LEMD1: variants seen among roughly 807,000 people sequenced by gnomAD.
LEMD1 encodes the protein LEM domain containing 1, also known as LEM domain-containing protein 1.
Under a neutral mutation model 17.4 loss-of-function variants are expected in LEMD1, and 18 were observed. That is an observed-to-expected ratio of 1.04 (90% CI 0.72 to 1.54). LEMD1 has a LOEUF of 1.54. Ranked by LOEUF, LEMD1 falls within the 40% of genes most tolerant of loss-of-function variation. LEMD1 has a pLI of 0.00. For synonymous variants in LEMD1, 88 were observed against 77.8 expected (o/e 1.13, Z -0.69); for missense variants, 195 against 210.4 (o/e 0.93, Z 0.45).
chr1:205,428,680 AAG>A (rs1328993863), intron 1 of LEMD1, among the ~76,000 whole-genome samples: 6 of 152,170 alleles, frequency 3.9e-5, no homozygotes, highest in Non-Finnish European at 2.9e-5. Flanking sequence ...GTGGAATGGC[AAG>A]AAAAGTCAGG....
At position 205,381,449 on chromosome 1, in the gene LEMD1, T is replaced by A; in HGVS notation, c.*209A>T. 1.7e-6 allele frequency: 1 copy of A among 588,694 alleles called. No individual in the cohort carries two copies. The highest frequency in any genetic ancestry group is 3.0e-6 in the Non-Finnish European group (1 of 330,530). The allele number at this position is 588,694 out of a possible 1,614,324, so 36.5% of individuals were successfully genotyped here. On this transcript the variant is annotated 3_prime_UTR_variant, in exon 6 of 6. Coordinates refer to ENST00000367153, the MANE Select transcript of LEMD1 (RefSeq NM_001199050.2). Reference sequence around the variant, plus strand: ...AGTTGACATGACTTGGGGGATTTCCTAACCATCATGCTCTTAACACAGGTG... The same window carrying A: ...AGTTGACATGACTTGGGGGATTTCCAAACCATCATGCTCTTAACACAGGTG...
chr1:205,389,724 T>C (rs544578441), intron 4 of LEMD1, among the ~76,000 whole-genome samples: 128 of 152,310 alleles, frequency 8.4e-4, no homozygotes, highest in Non-Finnish European at 1.5e-3. Context: ...TTGGACACTT[T>C]TACAAATGAC....
At chr1:205,390,303 C>G (rs999900016) in intron 4 of LEMD1, among the ~76,000 whole-genome samples, 1 of 151,176 alleles carries the variant, frequency 6.6e-6, no homozygotes, top group Non-Finnish European at 1.5e-5. Flanking sequence ...TGCAGTGAGC[C>G]GAGATTACGC....
intron 4 of LEMD1, among the ~76,000 whole-genome samples, chr1:205,403,850 T>TTATGTGTCTTGGAG: frequency 6.6e-6 from 1 of 152,094 alleles, no homozygotes; most frequent in Non-Finnish European, 1.5e-5. Context: ...GTGCTATAAA[T>TTATGTGTCTTGGAG]TTCCCTCTAC....
chr1:205,447,761 G>GC (rs34491043), intron 1 of LEMD1, among the ~76,000 whole-genome samples: 99,959 of 151,728 alleles, frequency 0.66, 33,524 homozygotes, highest in Non-Finnish European at 0.72. Context: ...CCGGGGGAGC[G>GC]CCTGCCTTCC....
At chr1:205,408,943 TCCTC>T in intron 4 of LEMD1, among the ~76,000 whole-genome samples, 1 of 152,040 alleles carries the variant, frequency 6.6e-6, no homozygotes, top group East Asian at 1.9e-4. Context: ...GCTCAGGTGA[TCCTC>T]CCACCTCAGC....
chr1:205,417,334 G>A (rs1458959367), intron 3 of LEMD1, among the ~76,000 whole-genome samples: 2 of 152,160 alleles, frequency 1.3e-5, no homozygotes, highest in Non-Finnish European at 2.9e-5. Context: ...TAGCATCAAC[G>A]CACTTCTGTA....
At chr1:205,449,622 T>A (rs1666460685) in intron 1 of LEMD1, among the ~76,000 whole-genome samples, 1 of 149,906 alleles carries the variant, frequency 6.7e-6, no homozygotes, top group Non-Finnish European at 1.5e-5. Context: ...AGCACGCCCC[T>A]CCACACACTC....
At chr1:205,447,852 G>A (rs528679861) in intron 1 of LEMD1, among the ~76,000 whole-genome samples, 1 of 152,238 alleles carries the variant, frequency 6.6e-6, no homozygotes, top group East Asian at 1.9e-4. Flanking sequence ...AGAGCCCAGA[G>A]GTCTCCTTAC....
chr1:205,445,836 T>G (rs760091874), intron 1 of LEMD1, among the ~76,000 whole-genome samples: 1 of 152,164 alleles, frequency 6.6e-6, no homozygotes, highest in Non-Finnish European at 1.5e-5. Flanking sequence ...AACTTTAGTG[T>G]CAAACTTTCG....
intron 4 of LEMD1, among the ~76,000 whole-genome samples, chr1:205,390,033 A>G (rs1664254001): frequency 6.6e-6 from 1 of 152,100 alleles, no homozygotes; most frequent in Non-Finnish European, 1.5e-5. Context: ...TAAAAACCTT[A>G]TGATCATCTC....
intron 4 of LEMD1, among the ~76,000 whole-genome samples, chr1:205,411,216 AAG>A (rs1574979864): frequency 6.3e-5 from 9 of 143,568 alleles, no homozygotes; most frequent in Admixed American, 5.4e-4. Flanking sequence ...GAAAGAAAGA[AAG>A]GAAGGAAGGA....
rs1477986736 is a variant in LEMD1, at chr1:205,448,608, G to GCCT, written c.-39+1257_-39+1259dup. Among the ~76,000 whole-genome samples the GCCT allele has an allele frequency of 6.6e-6, 1 of 152,074 alleles. No individual in the cohort carries two copies. Among genetic ancestry groups the GCCT allele is most frequent in the Non-Finnish European group, 1.5e-5 (1 of 68,010 alleles). Reference sequence around the variant, plus strand: ...AGTTTCCAGTTCTTGCCCTACAAAGGCCTCACACAATGGTCCTCACTCCAG... The same window carrying GCCT: ...AGTTTCCAGTTCTTGCCCTACAAAGGCCTCCTCACACAATGGTCCTCACTCCAG... On this transcript the variant is annotated intron_variant, in intron 1 of 3. Coordinates refer to the LEMD1 transcript ENST00000367154. The surrounding 1 kb of genome is among the most constrained non-coding windows in gnomAD (Gnocchi z 4.7).
chr1:205,425,700 G>T (rs1005322403), upstream of LEMD1, among the ~76,000 whole-genome samples: 2 of 152,136 alleles, frequency 1.3e-5, no homozygotes, highest in African/African-American at 4.8e-5. Context: ...GAAGGTTCTG[G>T]CAGAAGCATC....
At chr1:205,415,877 G>A (rs1178765906) in intron 4 of LEMD1, among the ~76,000 whole-genome samples, 1 of 152,168 alleles carries the variant, frequency 6.6e-6, no homozygotes, top group Non-Finnish European at 1.5e-5. Context: ...GAACGGGATG[G>A]AAACTCACAT....
intron 1 of LEMD1, among the ~76,000 whole-genome samples, chr1:205,434,357 ATAT>A (rs1666171837): frequency 1.4e-5 from 2 of 142,028 alleles, no homozygotes; most frequent in African/African-American, 5.3e-5. Context: ...AAATATATAT[ATAT>A]ATTATATATA....
chr1:205,425,413 C>T (rs1309675028), upstream of LEMD1, among the ~76,000 whole-genome samples: 1 of 152,132 alleles, frequency 6.6e-6, no homozygotes, highest in African/African-American at 2.4e-5. Context: ...GCAGCTCAGG[C>T]TTAAGCTGAG....
intron 4 of LEMD1, among the ~76,000 whole-genome samples, chr1:205,404,910 C>T (rs1024180510): frequency 1.3e-5 from 2 of 152,144 alleles, no homozygotes; most frequent in Admixed American, 6.5e-5. Flanking sequence ...GTGACAAAAT[C>T]TCTCAGCATT....
At chr1:205,383,108 A>G (rs2102329241) in intron 5 of LEMD1, among the ~76,000 whole-genome samples, 1 of 152,254 alleles carries the variant, frequency 6.6e-6, no homozygotes, top group African/African-American at 2.4e-5. Flanking sequence ...TATTTTTTTG[A>G]GACAGGGTCT....
Sources: allele counts gnomAD v4.1 joint callset (sites outside exome capture counted in the v4.1 genomes callset), GRCh38; gene constraint gnomAD v4.1.1; non-coding constraint Gnocchi (gnomAD v3.1); transcripts MANE v1.5; gene names NCBI Gene and HGNC (gene_info 2026-07-23, HGNC 2026-07-21).